The following CACNG4 variants were observed in gnomAD, a reference collection of about 807,000 sequenced individuals.
CACNG4 encodes the protein calcium voltage-gated channel auxiliary subunit gamma 4, also known as voltage-dependent calcium channel gamma-4 subunit.
Under a neutral mutation model 22.9 loss-of-function variants are expected in CACNG4, and 8 were observed. The observed-to-expected ratio is 0.35, with a 90% CI of 0.21 to 0.63. The LOEUF is 0.63. Ranked by LOEUF, CACNG4 falls within the 30% of genes least tolerant of loss-of-function variation. The pLI is 0.72. For synonymous variants in CACNG4, 188 were observed against 191.9 expected (o/e 0.98, Z 0.17); for missense variants, 357 against 455.4 (o/e 0.78, Z 1.97).
intron 2 of CACNG4, chr17:67,019,890 T>C (rs538297642): frequency 6.6e-6 from 1 of 152,356 alleles, no homozygotes; most frequent in Admixed American, 6.5e-5. Flanking sequence ...CCACATGGCT[T>C]CCCAATCTCC....
At chr17:66,974,613 T>A (rs1453177423) in intron 1 of CACNG4, among the ~76,000 whole-genome samples, 1 of 152,146 alleles carries the variant, frequency 6.6e-6, no homozygotes, top group African/African-American at 2.4e-5. Context: ...CTCGTTAGGG[T>A]ACCTCTGGGT....
intron 1 of CACNG4, among the ~76,000 whole-genome samples, chr17:66,994,349 C>T (rs929089863): frequency 1.5e-4 from 22 of 149,624 alleles, no homozygotes; most frequent in Admixed American, 2.0e-4. Context: ...AAAAAAACTG[C>T]GCCTCCGCTA....
chr17:67,004,524 G>T (rs1299526369), intron 1 of CACNG4, among the ~76,000 whole-genome samples: 1 of 152,096 alleles, frequency 6.6e-6, no homozygotes, highest in Non-Finnish European at 1.5e-5. Flanking sequence ...GAGCCCTGTG[G>T]TCTCCAGGGA....
At chr17:67,005,671 G>T (rs1301523094) in intron 1 of CACNG4, among the ~76,000 whole-genome samples, 2 of 152,176 alleles carry the variant, frequency 1.3e-5, no homozygotes, top group Non-Finnish European at 2.9e-5. Context: ...GTCCAGTGCC[G>T]TCTCCCTTCT....
chr17:66,996,168 GC>G (rs577359784), intron 1 of CACNG4, among the ~76,000 whole-genome samples: 173 of 152,244 alleles, frequency 1.1e-3, no homozygotes, highest in Middle Eastern at 3.4e-3. Context: ...CTCTGCCAAT[GC>G]CTCTCTGCTC....
chr17:67,017,325 C>T (rs986793906), intron 1 of CACNG4, among the ~76,000 whole-genome samples: 1 of 152,284 alleles, frequency 6.6e-6, no homozygotes, highest in East Asian at 1.9e-4. Context: ...GATCCGCCCT[C>T]CTCAGCCTCC....
chr17:66,966,303 G>C (rs905944336), intron 1 of CACNG4, among the ~76,000 whole-genome samples: 2 of 152,214 alleles, frequency 1.3e-5, no homozygotes, highest in Non-Finnish European at 2.9e-5. Flanking sequence ...TCGGGGACCG[G>C]GTGGAGGGAG....
chr17:66,995,038 G>C (rs73997309), intron 1 of CACNG4, among the ~76,000 whole-genome samples: 1 of 151,924 alleles, frequency 6.6e-6, no homozygotes, highest in Non-Finnish European at 1.5e-5. Flanking sequence ...GTTTCCCCCC[G>C]GGCCAATTTC....
intron 1 of CACNG4, among the ~76,000 whole-genome samples, chr17:66,988,491 T>G (rs972367240): frequency 3.3e-5 from 5 of 152,204 alleles, no homozygotes; most frequent in African/African-American, 1.2e-4. Flanking sequence ...ATCTGCCTCT[T>G]GGCTCCGCGT....
In CACNG4 at chr17:67,027,330, G is replaced by A. The variant is rs1026790194; in HGVS notation, c.445+2330G>A. Among the ~76,000 whole-genome samples the A allele has an allele frequency of 7.2e-5, 11 of 152,220 alleles. No individual in the cohort carries two copies. The highest frequency in any genetic ancestry group is 1.9e-4 in the East Asian group (1 of 5,198). ...GGAGCCTGGACCCAGAGCCCTAGCCGAAGAAAATGAGTCCAGGCAGAGAAG... is the reference window on the plus strand; with the variant it reads ...GGAGCCTGGACCCAGAGCCCTAGCCAAAGAAAATGAGTCCAGGCAGAGAAG... On this transcript the variant is annotated intron_variant, in intron 3 of 3. Transcript: ENST00000262138. This position sits in a 1 kb window ranked among gnomAD's most constrained non-coding sequence, Gnocchi z 4.3.
At chr17:66,974,310 A>G (rs906193014) in intron 1 of CACNG4, among the ~76,000 whole-genome samples, 13 of 152,200 alleles carry the variant, frequency 8.5e-5, no homozygotes, top group Non-Finnish European at 1.6e-4. Flanking sequence ...AATATTTCAT[A>G]ATAGAAGCCC....
chr17:67,027,673 T>C lies in CACNG4; in HGVS notation c.445+2673T>C, dbSNP rs2035576241. 6.6e-6 allele frequency among the ~76,000 whole-genome samples: 1 copy of C among 152,154 alleles called. No homozygotes were observed. The highest frequency in any genetic ancestry group is 1.5e-5 in the Non-Finnish European group (1 of 68,000). On this transcript the variant is annotated intron_variant, in intron 3 of 3. Transcript: ENST00000262138. The surrounding 1 kb of genome is among the most constrained non-coding windows in gnomAD (Gnocchi z 4.3). ...AAACCCTTTTCCAACTCGTGCTGAA[T>C]ACAGAGAGGGGAAGAAAACACAAAG...
chr17:66,981,798 T>C (rs2035275453), intron 1 of CACNG4, among the ~76,000 whole-genome samples: 2 of 152,206 alleles, frequency 1.3e-5, no homozygotes, highest in Non-Finnish European at 2.9e-5. Context: ...ACCAAGCACA[T>C]TAGGTATTAT....
intron 1 of CACNG4, among the ~76,000 whole-genome samples, chr17:66,974,911 A>ACTGGGTGC: frequency 6.6e-6 from 1 of 151,976 alleles, no homozygotes; most frequent in Non-Finnish European, 1.5e-5. Flanking sequence ...ATGGGCTTGC[A>ACTGGGTGC]AGGGCTTTGG....
At chr17:66,972,947 CAA>C (rs2143275614) in intron 1 of CACNG4, among the ~76,000 whole-genome samples, 1 of 149,804 alleles carries the variant, frequency 6.7e-6, no homozygotes, top group Admixed American at 6.7e-5. Context: ...CAAAAACAAA[CAA>C]ACAAAAAAAA....
chr17:66,970,946 C>A (rs1162421763), intron 1 of CACNG4, among the ~76,000 whole-genome samples: 1 of 152,196 alleles, frequency 6.6e-6, no homozygotes, highest in Non-Finnish European at 1.5e-5. Flanking sequence ...AGCCCAGACT[C>A]TGAGGATTTC....
chr17:67,005,065 G>A (rs1301914133), intron 1 of CACNG4, among the ~76,000 whole-genome samples: 2 of 152,178 alleles, frequency 1.3e-5, no homozygotes, highest in African/African-American at 4.8e-5. Flanking sequence ...GCGTCCCAAA[G>A]GATGGAAGGG....
At chr17:67,026,563 G>A in intron 3 of CACNG4, among the ~76,000 whole-genome samples, 1 of 150,364 alleles carries the variant, frequency 6.7e-6, no homozygotes, top group Non-Finnish European at 1.5e-5. Flanking sequence ...TGTGGTGTGT[G>A]TGTGAGGACT....
At chr17:66,977,554 T>C (rs1028975734) in intron 1 of CACNG4, among the ~76,000 whole-genome samples, 10 of 152,156 alleles carry the variant, frequency 6.6e-5, no homozygotes, top group African/African-American at 2.4e-4. Flanking sequence ...AAAATGGGGA[T>C]ATAATGATAG....
Sources: gnomAD v4.1 joint callset for allele counts (sites outside exome capture counted in the v4.1 genomes callset) on GRCh38, gnomAD v4.1.1 for gene constraint, Gnocchi (gnomAD v3.1) non-coding constraint, MANE v1.5 for transcripts, NCBI Gene and HGNC (gene_info 2026-07-23, HGNC 2026-07-21) for gene names.